Variants in MTCL2 observed in about 807,000 individuals in gnomAD.
The protein encoded by MTCL2 is microtubule cross-linking factor 2.
chr20:36,819,156 T>C, the MTCL2 span, among the ~76,000 whole-genome samples: 1 of 152,046 alleles, frequency 6.6e-6, no homozygotes, highest in Non-Finnish European at 1.5e-5. Context: ...ACAATAACAA[T>C]TACTGAAATT....
chr20:36,805,966 T>G, the MTCL2 span: 1 of 1,597,088 alleles, frequency 6.3e-7, no homozygotes. Flanking sequence ...ACCTGTTTTT[T>G]AAAAACCATG....
At chr20:36,823,347 T>G in the MTCL2 span, among the ~76,000 whole-genome samples, 1 of 152,184 alleles carries the variant, frequency 6.6e-6, no homozygotes, top group East Asian at 1.9e-4. Flanking sequence ...GAAGCAGAAA[T>G]GTATTTATTT....
At chr20:36,805,200 T>A in the MTCL2 span, among the ~76,000 whole-genome samples, 2,019 of 152,320 alleles carry the variant, frequency 0.013, 20 homozygotes, top group Non-Finnish European at 0.021. Context: ...CTGCAGCGTC[T>A]GTGCCGTGGG....
the MTCL2 span, among the ~76,000 whole-genome samples, chr20:36,848,196 G>A: frequency 5.9e-5 from 9 of 152,116 alleles, no homozygotes; most frequent in Admixed American, 1.3e-4. Context: ...AGAACTGGTC[G>A]CAGATCCCTA....
the MTCL2 span, among the ~76,000 whole-genome samples, chr20:36,822,017 G>A: frequency 6.6e-6 from 1 of 152,250 alleles, no homozygotes; most frequent in East Asian, 1.9e-4. Context: ...AGCAGGGTTG[G>A]GGGCAGAGGA....
chr20:36,812,081 A>G, the MTCL2 span, among the ~76,000 whole-genome samples: 1 of 152,202 alleles, frequency 6.6e-6, no homozygotes, highest in Admixed American at 6.5e-5. Flanking sequence ...TGTGGCCAGA[A>G]GGTAGAAATC....
the MTCL2 span, chr20:36,793,922 C>A: frequency 6.4e-7 from 1 of 1,551,412 alleles, no homozygotes. The surrounding 1 kb of genome is among the most constrained non-coding windows in gnomAD (Gnocchi z 6.8). Context: ...CAGGCCCACG[C>A]TGACCGTGCG....
chr20:36,841,155 C>CAAAAAA, the MTCL2 span, among the ~76,000 whole-genome samples: 44 of 40,348 alleles, frequency 1.1e-3, 4 homozygotes, highest in Non-Finnish European at 1.3e-3. Context: ...ACTAAAAATA[C>CAAAAAA]AAAAAAAAAA....
At chr20:36,813,897 T>C in the MTCL2 span, among the ~76,000 whole-genome samples, 1 of 152,222 alleles carries the variant, frequency 6.6e-6, no homozygotes, top group Non-Finnish European at 1.5e-5. Context: ...CAGCTTCACA[T>C]TGTCTCTTCA....
At chr20:36,784,533 C>G in the MTCL2 span, 3 of 985,486 alleles carry the variant, frequency 3.0e-6, no homozygotes, top group Non-Finnish European at 3.6e-6. Context: ...TGCAGACAAG[C>G]TGATCCATCC....
the MTCL2 span, chr20:36,809,950 T>C: frequency 8.5e-4 from 1,354 of 1,583,678 alleles, 8 homozygotes; most frequent in African/African-American, 0.016. Context: ...GCTGTAGGAA[T>C]AGCTGCCTGG....
chr20:36,807,048 A>G, the MTCL2 span, among the ~76,000 whole-genome samples: 1 of 152,152 alleles, frequency 6.6e-6, no homozygotes, highest in Non-Finnish European at 1.5e-5. Context: ...TATGTTTCCA[A>G]ACGTCACAGA....
chr20:36,825,640 C>T, the MTCL2 span, among the ~76,000 whole-genome samples: 2 of 152,200 alleles, frequency 1.3e-5, no homozygotes, highest in Non-Finnish European at 2.9e-5. Context: ...CTCCTGTTCC[C>T]AGCCGGGTGA....
the MTCL2 span, among the ~76,000 whole-genome samples, chr20:36,809,764 C>T: frequency 9.9e-3 from 1,497 of 151,776 alleles, 28 homozygotes; most frequent in African/African-American, 0.034. Flanking sequence ...TTAGTAGAGG[C>T]GGGGTTTCCA....
At chr20:36,854,596 C>G in the MTCL2 span, among the ~76,000 whole-genome samples, 1 of 152,110 alleles carries the variant, frequency 6.6e-6, no homozygotes, top group Admixed American at 6.5e-5. Flanking sequence ...CAGGACCACA[C>G]AGGCTGCTCC....
the MTCL2 span, chr20:36,810,192 G>C: frequency 6.8e-7 from 1 of 1,465,950 alleles, no homozygotes. Context: ...GATGACAGTG[G>C]TAGGGGAACG....
At chr20:36,809,797 C>T in the MTCL2 span, among the ~76,000 whole-genome samples, 1 of 152,070 alleles carries the variant, frequency 6.6e-6, no homozygotes, top group Admixed American at 6.6e-5. Context: ...TGGTCTCAAA[C>T]TCCTGGCCTC....
the MTCL2 span, chr20:36,797,382 AGGTGCAAG>A: frequency 8.1e-6 from 8 of 989,752 alleles, no homozygotes; most frequent in East Asian, 1.6e-4. Context: ...GAGGAGCCCA[AGGTGCAAG>A]GGTGTGACCT....
the MTCL2 span, among the ~76,000 whole-genome samples, chr20:36,827,030 A>ATTTG: frequency 1.3e-5 from 2 of 149,756 alleles, no homozygotes; most frequent in Admixed American, 1.3e-4. Context: ...TGCTTTATTT[A>ATTTG]TTTATTTATT....
Sources: allele counts gnomAD v4.1 joint callset (sites outside exome capture counted in the v4.1 genomes callset), GRCh38; gene constraint gnomAD v4.1.1; non-coding constraint Gnocchi (gnomAD v3.1); transcripts MANE v1.5; gene names NCBI Gene and HGNC (gene_info 2026-07-23, HGNC 2026-07-21).